Variants in FZR1 observed in about 807,000 individuals in gnomAD.
FZR1 encodes fizzy-related protein homolog.
FZR1 carries 11 observed loss-of-function variants against 63.6 expected under a neutral mutation model. That is an observed-to-expected ratio of 0.17 (90% CI 0.11 to 0.29). The LOEUF is 0.29. FZR1 is among the 10% of genes least tolerant of loss of function. FZR1 has a pLI of 1.00. For synonymous variants in FZR1, 328 were observed against 297.9 expected (o/e 1.10, Z -1.04); for missense variants, 440 against 687.5 (o/e 0.64, Z 4.03).
chr19:3,519,806 C>G (rs1183301744), intron 1 of FZR1, among the ~76,000 whole-genome samples: 1 of 152,234 alleles, frequency 6.6e-6, no homozygotes, highest in East Asian at 1.9e-4. Context: ...GGTCTCTGCT[C>G]CGCGGTTTCC....
chr19:3,534,528 TATC>T lies in FZR1; in HGVS notation c.1440+17_1440+19del. On this transcript the variant is annotated intron_variant, in intron 13 of 13. Transcript: ENST00000441788. ...GTTCGACAAAGGTAAAGTGGGTCGG[TATC>T]AGCGCCACTCGCCCCCGCCCCAGCC... 1 of 1,547,996 alleles carries T rather than the reference TATC, an allele frequency of 6.5e-7. No homozygotes were observed. The highest frequency in any genetic ancestry group is 8.9e-7 in the Non-Finnish European group (1 of 1,128,044).
At chr19:3,527,221 T>C (rs1180866173) in intron 6 of FZR1, among the ~76,000 whole-genome samples, 159 bp downstream of exon 6, 1 of 152,080 alleles carries the variant, frequency 6.6e-6, no homozygotes, top group Non-Finnish European at 1.5e-5. Flanking sequence ...TGTGACTGTG[T>C]CCTCCCCCAG....
chr19:3,521,072 C>T lies in FZR1; in HGVS notation c.-34-1884C>T, dbSNP rs557187646. On this transcript the variant is annotated intron_variant, in intron 1 of 13. Coordinates refer to ENST00000441788, the MANE Select transcript of FZR1 (RefSeq NM_016263.4). ...CTTTCATGGCTGGGTCGTGTTCTGG[C>T]GTGTGGAGGGCCGCGCTGGTTCGTC... 2.6e-5 allele frequency among the ~76,000 whole-genome samples: 4 copies of T among 152,296 alleles called. No homozygotes were observed. The East Asian group carries it at 5.8e-4, about 22-fold the overall frequency.
In FZR1 at chr19:3,526,446, C is replaced by T. The variant is rs922495793; in HGVS notation, c.387+60C>T. 7 of 1,410,238 alleles carry T rather than the reference C, an allele frequency of 5.0e-6. No homozygotes were observed. Among genetic ancestry groups the T allele is most frequent in the Non-Finnish European group, 6.8e-6 (7 of 1,036,132 alleles). The allele number at this position is 1,410,238 out of a possible 1,614,324, so 87.4% of individuals were successfully genotyped here. The stretch of plus-strand genomic sequence containing the variant: ...TCCCAGTGCAGCCTCCCCGGCCCCC[C>T]ACCTCCCAGGCACCAGCTCTGCCTC... On this transcript the variant is annotated intron_variant, in intron 5 of 13. Coordinates refer to ENST00000441788, the MANE Select transcript of FZR1 (RefSeq NM_016263.4). This position sits in a 1 kb window ranked among gnomAD's most constrained non-coding sequence, Gnocchi z 5.4.
Position 3,512,648 on chromosome 19 carries a change from C to T in FZR1, c.-35+6174C>T, listed in dbSNP as rs1418418763. 4.6e-5 allele frequency among the ~76,000 whole-genome samples: 7 copies of T among 152,088 alleles called. No homozygotes were observed. The East Asian group carries it at 1.4e-3, about 29-fold the overall frequency. On this transcript the variant is annotated intron_variant, in intron 1 of 13. Coordinates refer to ENST00000441788, the MANE Select transcript of FZR1 (RefSeq NM_016263.4). ...TCCCTGGAGCTGCAGGGCTGAGGGCCGCGTGTGCTGGGTGGGGTGGTGCTG... is the reference window on the plus strand; with the variant it reads ...TCCCTGGAGCTGCAGGGCTGAGGGCTGCGTGTGCTGGGTGGGGTGGTGCTG...
chr19:3,511,345 G>A (rs942640326), intron 1 of FZR1, among the ~76,000 whole-genome samples: 15 of 152,246 alleles, frequency 9.9e-5, no homozygotes, highest in Non-Finnish European at 2.1e-4. Flanking sequence ...GGAAGAGGGT[G>A]AGAGCTGCTG....
intron 1 of FZR1, among the ~76,000 whole-genome samples, chr19:3,520,233 G>A (rs1367545884): frequency 6.6e-6 from 1 of 152,240 alleles, no homozygotes; most frequent in Non-Finnish European, 1.5e-5. Flanking sequence ...GCTGTGCCCT[G>A]TGGAGAACCG....
chr19:3,506,561 G>C (rs569898214), intron 1 of FZR1, 87 bp downstream of exon 1: 1 of 151,808 alleles, frequency 6.6e-6, no homozygotes, highest in Non-Finnish European at 1.5e-5. Flanking sequence ...ACGGCGGGGC[G>C]GGCTGCGACC....
chr19:3,524,012 C>T (rs1478097134), intron 2 of FZR1, among the ~76,000 whole-genome samples: 1 of 152,210 alleles, frequency 6.6e-6, no homozygotes, highest in East Asian at 1.9e-4. Flanking sequence ...TAGCAGGGTC[C>T]CCATTGGTAA....
At chr19:3,520,802 C>A (rs1171261938) in intron 1 of FZR1, among the ~76,000 whole-genome samples, 3 of 152,270 alleles carry the variant, frequency 2.0e-5, no homozygotes, top group Non-Finnish European at 4.4e-5. Context: ...TATCTCAGGA[C>A]AGAGTGGTGC....
At chr19:3,532,790 G>A in intron 11 of FZR1, 140 bp downstream of exon 11, 1 of 675,098 alleles carries the variant, frequency 1.5e-6, no homozygotes, top group Non-Finnish European at 2.6e-6. Flanking sequence ...GCCGAGCGGG[G>A]AGGCAGGGAG....
intron 1 of FZR1, among the ~76,000 whole-genome samples, chr19:3,509,519 G>C (rs1382867874): frequency 1.3e-5 from 2 of 152,208 alleles, no homozygotes; most frequent in Non-Finnish European, 2.9e-5. Context: ...CTGCTTTAGA[G>C]CGTGCAGTTC....
Position 3,523,058 on chromosome 19 carries a change from CGT to C in FZR1, c.69+2_69+3del, listed in dbSNP as rs778607820. The C allele has an allele frequency of 1.3e-6, 2 of 1,589,910 alleles. No individual in the cohort carries two copies. Among genetic ancestry groups the C allele is most frequent in the East Asian group, 2.2e-5 (1 of 44,784 alleles). On this transcript the variant is annotated splice_donor_variant, in intron 2 of 13. Transcript: ENST00000441788. LOFTEE classifies it high-confidence loss of function. ...TCCAGAATGAGAACACGATGCCACG[CGT>C]GAGTGCCCCCGCCCTGCCCACCACT...
chr19:3,510,218 C>G (rs2083014974), intron 1 of FZR1, among the ~76,000 whole-genome samples: 1 of 152,152 alleles, frequency 6.6e-6, no homozygotes, highest in Non-Finnish European at 1.5e-5. Flanking sequence ...CTCACTGCAG[C>G]CTCGACCTTC....
Position 3,534,799 on chromosome 19 carries a change from C to G in FZR1, c.1445C>G (p.Ser482Cys), listed in dbSNP as rs1441144502. 5 of 1,612,872 alleles carry G rather than the reference C, an allele frequency of 3.1e-6. No homozygotes were observed. In the South Asian group the frequency reaches 3.3e-5, roughly 11 times the overall value. Residue 482 changes from serine (S) to cysteine (C), a missense_variant, in exon 14 of 14, where the codon TCT (serine) becomes TGT (cysteine). Ser to Cys is a moderately radical substitution (Grantham distance 112). Coordinates refer to ENST00000441788, the MANE Select transcript of FZR1 (RefSeq NM_016263.4). ...VFSKTRSTKESVSVLNLFTRI... is the reference protein window; with the variant it reads ...VFSKTRSTKECVSVLNLFTRI... ...GCCATCCCCATGTGTCTGCAGGAGT[C>G]TGTGTCTGTGCTCAACCTCTTCACC...
At position 3,529,159 on chromosome 19, in the gene FZR1, A is replaced by AGAGCGGATGAGT. The variant is rs1568237507; in HGVS notation, c.654+1351_654+1352insATGAGTGAGCGG. Among the ~76,000 whole-genome samples, 67 of 39,804 alleles carry AGAGCGGATGAGT rather than the reference A, an allele frequency of 1.7e-3. 5 individuals are homozygous for AGAGCGGATGAGT. The highest frequency in any genetic ancestry group is 5.7e-3 in the African/African-American group (66 of 11,568). The allele number at this position is 39,804 out of a possible 152,430, so 26.1% of individuals were successfully genotyped here. On this transcript the variant is annotated intron_variant, in intron 7 of 13. Transcript: ENST00000441788. ...GAGAGCGGATGGGAGAGCGGATGGG[A>AGAGCGGATGAGT]GAGCGGTTGGGAGAGCGGTTGGGAG...
rs1235702705 is a variant in FZR1 at position 3,516,794 on chromosome 19, C to T, written c.-34-6162C>T. 6.6e-6 allele frequency among the ~76,000 whole-genome samples: 1 copy of T among 152,256 alleles called. No homozygotes were observed. Among genetic ancestry groups the T allele is most frequent in the Non-Finnish European group, 1.5e-5 (1 of 68,032 alleles). On this transcript the variant is annotated intron_variant, in intron 1 of 13. Transcript: ENST00000441788. The surrounding 1 kb of genome is among the most constrained non-coding windows in gnomAD (Gnocchi z 6.0). ...TTGAGTGAGTTGTGTGGCCAGTAGA[C>T]TGACAGCTGCTGCCCACCTGGCAAC...
At chr19:3,529,134 GAGAGCGGA>G (rs879430684) in intron 7 of FZR1, among the ~76,000 whole-genome samples, 16,443 of 141,750 alleles carry the variant, frequency 0.12, 1,397 homozygotes, top group Non-Finnish European at 0.13. Flanking sequence ...GAGCGGATGG[GAGAGCGGA>G]TGGGAGAGCG....
intron 8 of FZR1, 135 bp from the exon 9 acceptor site, chr19:3,531,579 C>T (rs1048875921): frequency 9.6e-6 from 6 of 627,860 alleles, no homozygotes; most frequent in South Asian, 4.0e-5. Flanking sequence ...TCCGAAGGGA[C>T]GTGCATTCGA....
Sources: gnomAD v4.1 joint callset for allele counts (sites outside exome capture counted in the v4.1 genomes callset) on GRCh38, gnomAD v4.1.1 for gene constraint, Gnocchi (gnomAD v3.1) non-coding constraint, MANE v1.5 for transcripts, NCBI Gene and HGNC (gene_info 2026-07-23, HGNC 2026-07-21) for gene names.